The following PRDM5 variants were observed in gnomAD, a reference collection of about 807,000 sequenced individuals.
PRDM5 encodes PR/SET domain 5.
PRDM5 carries 56 observed loss-of-function variants against 81.2 expected under a neutral mutation model. The observed-to-expected ratio is 0.69, with a 90% CI of 0.56 to 0.86. The LOEUF is 0.86. Ranked by LOEUF, PRDM5 falls within the 40% of genes least tolerant of loss-of-function variation. The pLI, the probability that PRDM5 is intolerant of heterozygous loss-of-function variation, is 0.00. For synonymous variants in PRDM5, 267 were observed against 256.4 expected (o/e 1.04, Z -0.39); for missense variants, 697 against 770.1 (o/e 0.91, Z 1.12).
At chr4:120,871,555 T>C (rs949089950) in intron 2 of PRDM5, among the ~76,000 whole-genome samples, 1 of 152,224 alleles carries the variant, frequency 6.6e-6, no homozygotes, top group Non-Finnish European at 1.5e-5. Context: ...CCAAATAATA[T>C]TGCTAACCAA....
chr4:120,834,009 T>C (rs1326836198), intron 3 of PRDM5, among the ~76,000 whole-genome samples: 6 of 152,232 alleles, frequency 3.9e-5, no homozygotes, highest in African/African-American at 1.4e-4. Context: ...AAAAGTAGAT[T>C]TATGCTATAA....
intron 2 of PRDM5, among the ~76,000 whole-genome samples, chr4:120,877,611 C>T (rs343196): frequency 1.3e-5 from 2 of 152,056 alleles, no homozygotes; most frequent in Non-Finnish European, 2.9e-5. Context: ...TCAAGACCAC[C>T]CTGGCCAAGA....
intron 3 of PRDM5, among the ~76,000 whole-genome samples, chr4:120,825,427 G>T (rs966593207): frequency 6.6e-5 from 10 of 152,108 alleles, no homozygotes; most frequent in Admixed American, 6.6e-5. Flanking sequence ...TGGTCAAAAT[G>T]CTCTCAGCCA....
chr4:120,913,150 G>C (rs192085819), intron 1 of PRDM5, among the ~76,000 whole-genome samples: 2 of 152,292 alleles, frequency 1.3e-5, no homozygotes, highest in Admixed American at 1.3e-4. Context: ...CGAAGAGAAG[G>C]GAGCAAACAA....
chr4:120,905,658 A>G (rs922780469), intron 2 of PRDM5, among the ~76,000 whole-genome samples: 15 of 152,120 alleles, frequency 9.9e-5, no homozygotes, highest in African/African-American at 3.6e-4. Context: ...CAGACTTGCT[A>G]CCACCACAAT....
rs372366236 is a variant in PRDM5 at position 120,821,329 on chromosome 4, A to T, written c.317T>A (p.Phe106Tyr). 1.6e-5 allele frequency: 26 copies of T among 1,613,882 alleles called. No homozygotes were observed. The highest frequency in any genetic ancestry group is 1.7e-6 in the Non-Finnish European group (2 of 1,179,962). The change falls in exon 4 of 16, where the codon TTC becomes TAC. Residue 106 changes from phenylalanine (F) to tyrosine (Y), a missense_variant. This residue lies in a region of PRDM5 where 577 missense variants were observed against 606.7 expected (regional missense o/e 0.95). Transcript: ENST00000264808. ...LAAIQEGENI[F>Y]YLAVEDIETD... ...TTCTATATCTTCAACTGCCAAATAG[A>T]AAATGTTTTCTCCTTCCTGAAACAA...
At position 120,910,679 on chromosome 4, in the gene PRDM5, T is replaced by C. The variant is rs145048593; in HGVS notation, c.94-3122A>G. On this transcript the variant is annotated intron_variant, in intron 1 of 15. Coordinates refer to ENST00000264808, the MANE Select transcript of PRDM5 (RefSeq NM_018699.4). Reference sequence around the variant, plus strand: ...AATTCTTTTTCTTTTAGTGGAATTATATGAAATTGCCAATATTTGACCATT... The same window carrying C: ...AATTCTTTTTCTTTTAGTGGAATTACATGAAATTGCCAATATTTGACCATT... Among the ~76,000 whole-genome samples the C allele has an allele frequency of 8.0e-4, 122 of 152,294 alleles. 1 individual carries two copies. The highest frequency in any genetic ancestry group is 2.8e-3 in the African/African-American group (116 of 41,566).
intron 15 of PRDM5, among the ~76,000 whole-genome samples, chr4:120,697,908 T>C (rs1299002291): frequency 1.3e-5 from 2 of 151,314 alleles, no homozygotes; most frequent in Non-Finnish European, 2.9e-5. Context: ...TAGTCGACAA[T>C]ACTCAAATAA....
At chr4:120,809,372 C>T (rs1753506482) in intron 8 of PRDM5, among the ~76,000 whole-genome samples, 1 of 151,514 alleles carries the variant, frequency 6.6e-6, no homozygotes, top group African/African-American at 2.4e-5. Context: ...TGCACATGTT[C>T]CCTAGAACTT....
intron 1 of PRDM5, among the ~76,000 whole-genome samples, chr4:120,908,610 A>T (rs1329222198): frequency 6.6e-6 from 1 of 152,224 alleles, no homozygotes; most frequent in Admixed American, 6.5e-5. Flanking sequence ...CATTTTACAG[A>T]TGAAGAAAAG....
intron 14 of PRDM5, among the ~76,000 whole-genome samples, chr4:120,727,706 C>A (rs1180010915): frequency 6.6e-6 from 1 of 152,042 alleles, no homozygotes; most frequent in African/African-American, 2.4e-5. Flanking sequence ...GCGGCTGAGG[C>A]GGGTGGATCA....
At position 120,765,120 on chromosome 4, in the gene PRDM5, A is replaced by C. The variant is rs1304682588; in HGVS notation, c.1538-10482T>G. The stretch of plus-strand genomic sequence containing the variant: ...ATTATTTCCTTTAAAAAAGCATTCA[A>C]GGAAAAAGAAAAACAGTGGCTAAAA... On this transcript the variant is annotated intron_variant, in intron 13 of 15. Coordinates refer to ENST00000264808, the MANE Select transcript of PRDM5 (RefSeq NM_018699.4). Among the ~76,000 whole-genome samples the C allele has an allele frequency of 2.0e-5, 3 of 152,206 alleles. 1 individual carries two copies. Among genetic ancestry groups the C allele is most frequent in the Non-Finnish European group, 4.4e-5 (3 of 68,030 alleles).
chr4:120,837,267 T>C (rs1289585158), intron 3 of PRDM5: 2 of 152,262 alleles, frequency 1.3e-5, no homozygotes, highest in Admixed American at 6.5e-5. Context: ...GTATGATGCA[T>C]CAAAGTGACT....
intron 14 of PRDM5, among the ~76,000 whole-genome samples, chr4:120,739,122 A>G (rs1561035025): frequency 6.6e-6 from 1 of 152,220 alleles, no homozygotes; most frequent in Non-Finnish European, 1.5e-5. Flanking sequence ...TGGCCTCTCC[A>G]CATTACTTGA....
chr4:120,769,185 T>C (rs971364308), intron 13 of PRDM5, among the ~76,000 whole-genome samples: 1 of 152,208 alleles, frequency 6.6e-6, no homozygotes, highest in Non-Finnish European at 1.5e-5. Flanking sequence ...ATTTTATCTA[T>C]TGAATAAGCA....
intron 14 of PRDM5, among the ~76,000 whole-genome samples, chr4:120,725,563 C>A (rs1739275931): frequency 6.6e-6 from 1 of 152,130 alleles, no homozygotes; most frequent in Non-Finnish European, 1.5e-5. Flanking sequence ...AAAGAACACC[C>A]ATTAACTTAT....
At chr4:120,782,955 C>A (rs1210460259) in intron 11 of PRDM5, among the ~76,000 whole-genome samples, 2 of 152,096 alleles carry the variant, frequency 1.3e-5, no homozygotes, top group African/African-American at 4.8e-5. Flanking sequence ...ACTTTAATTG[C>A]AGATTTCTTT....
At chr4:120,866,788 C>T (rs1045667660) in intron 2 of PRDM5, among the ~76,000 whole-genome samples, 1 of 152,166 alleles carries the variant, frequency 6.6e-6, no homozygotes. Flanking sequence ...CCATAACTCA[C>T]ACCTTTGTAT....
chr4:120,750,886 A>G (rs975751805), intron 14 of PRDM5, among the ~76,000 whole-genome samples: 2 of 152,226 alleles, frequency 1.3e-5, no homozygotes, highest in African/African-American at 4.8e-5. Flanking sequence ...ATTACAATTA[A>G]TATGTCAAAG....
Sources: allele counts gnomAD v4.1 joint callset (sites outside exome capture counted in the v4.1 genomes callset), GRCh38; gene constraint gnomAD v4.1.1; regional missense constraint gnomAD v4.1.1; transcripts MANE v1.5; gene names NCBI Gene and HGNC (gene_info 2026-07-23, HGNC 2026-07-21).